SIL1: variants seen among roughly 807,000 people sequenced by gnomAD.
SIL1 encodes nucleotide exchange factor SIL1.
SIL1 carries 40 observed loss-of-function variants against 49.1 expected under a neutral mutation model. The observed-to-expected ratio is 0.81, with a 90% confidence interval of 0.63 to 1.06. The LOEUF is 1.06. Among genes scored for constraint, SIL1 ranks in the 50% least tolerant of loss-of-function variants. The probability of loss-of-function intolerance (pLI) is 0.00; values close to 1 mark genes in which losing one functional copy is unlikely to be tolerated. For synonymous variants in SIL1, 253 were observed against 250.8 expected (o/e 1.01, Z -0.08); for missense variants, 500 against 572.6 (o/e 0.87, Z 1.29).
intron 7 of SIL1, among the ~76,000 whole-genome samples, chr5:138,985,396 T>C (rs756019200): frequency 7.2e-5 from 11 of 152,134 alleles, no homozygotes; most frequent in Non-Finnish European, 1.5e-4. Context: ...TCAGGCTGAC[T>C]CCTGTGTAAA....
chr5:139,113,422 G>C (rs1770920318), intron 3 of SIL1, among the ~76,000 whole-genome samples: 1 of 151,182 alleles, frequency 6.6e-6, no homozygotes, highest in Non-Finnish European at 1.5e-5. Context: ...ACCTCTGACA[G>C]AGTGGATGCT....
chr5:138,949,759 C>A (rs1580974269), intron 9 of SIL1, among the ~76,000 whole-genome samples: 1 of 122,846 alleles, frequency 8.1e-6, no homozygotes, highest in African/African-American at 3.1e-5. Flanking sequence ...TACAGTGAGC[C>A]AAGATCGTGC....
At chr5:139,022,810 T>G (rs1210868988) in intron 6 of SIL1, among the ~76,000 whole-genome samples, 1 of 152,210 alleles carries the variant, frequency 6.6e-6, no homozygotes, top group Non-Finnish European at 1.5e-5. Flanking sequence ...CTAGGGAGAC[T>G]CAGGGTTGGG....
chr5:139,086,098 C>T (rs1770211442), intron 3 of SIL1, among the ~76,000 whole-genome samples: 1 of 133,586 alleles, frequency 7.5e-6, no homozygotes, highest in South Asian at 2.4e-4. Flanking sequence ...ACTGAAACCC[C>T]GACTCTACCG....
intron 3 of SIL1, among the ~76,000 whole-genome samples, chr5:139,097,730 C>A (rs1355968824): frequency 1.3e-5 from 2 of 152,114 alleles, no homozygotes; most frequent in East Asian, 3.9e-4. Flanking sequence ...CCCACCTCGG[C>A]CTCCCAAAGT....
chr5:139,026,761 G>A (rs145087612), intron 6 of SIL1, 40 bp downstream of exon 6: 1 of 1,576,224 alleles, frequency 6.3e-7, no homozygotes, highest in African/African-American at 1.3e-5. Flanking sequence ...TATTTTTGGA[G>A]CTGTTAAAAG....
chr5:139,115,618 C>A (rs1770970012), intron 3 of SIL1, among the ~76,000 whole-genome samples: 1 of 152,188 alleles, frequency 6.6e-6, no homozygotes, highest in Non-Finnish European at 1.5e-5. Flanking sequence ...GCTTCCTGAA[C>A]TCCACTTGAG....
At chr5:139,011,575 C>A (rs967387043) in intron 7 of SIL1, among the ~76,000 whole-genome samples, 24 of 152,294 alleles carry the variant, frequency 1.6e-4, no homozygotes, top group African/African-American at 5.8e-4. Flanking sequence ...TTCAAGTGAT[C>A]CTCCTGCCTC....
intron 7 of SIL1, among the ~76,000 whole-genome samples, chr5:139,019,756 C>T (rs6596458): frequency 1 from 151,836 of 152,306 alleles, 75,686 homozygotes; most frequent in East Asian, 1. Flanking sequence ...CCAGAAGCAA[C>T]GGCAAGGGAC....
chr5:139,132,696 G>A (rs1448484988), intron 1 of SIL1, among the ~76,000 whole-genome samples: 2 of 152,146 alleles, frequency 1.3e-5, no homozygotes, highest in Admixed American at 6.5e-5. Context: ...ATGCAGGCAC[G>A]GAAAACAGTG....
chr5:139,191,861 G>A (rs891823266), intron 1 of SIL1, among the ~76,000 whole-genome samples: 7 of 151,974 alleles, frequency 4.6e-5, no homozygotes, highest in African/African-American at 1.7e-4. Context: ...CAGATCTCGA[G>A]GCCAGGAGTT....
Position 139,121,104 on chromosome 5 carries a change from C to CGGCTTTGGT in SIL1, c.166_174dup (p.Thr56_Ala58dup). ...AGGACTTCGGCATCCAGCTCCTCCT[C>CGGCTTTGGT]GGCTTTGGTTTCTTTTCTCTCTGTT... On this transcript the variant is annotated inframe_insertion, in exon 3 of 10. Transcript: ENST00000394817. The CGGCTTTGGT allele has an allele frequency of 6.2e-7, 1 of 1,614,212 alleles. No individual in the cohort carries two copies.
At chr5:138,992,822 T>A (rs1767786485) in intron 7 of SIL1, among the ~76,000 whole-genome samples, 3 of 151,978 alleles carry the variant, frequency 2.0e-5, no homozygotes, top group Non-Finnish European at 4.4e-5. Context: ...ACTAAAGAAC[T>A]TATCCAGGCA....
chr5:138,994,447 T>C (rs78606736), intron 7 of SIL1, among the ~76,000 whole-genome samples: 3,280 of 152,302 alleles, frequency 0.022, 126 homozygotes, highest in African/African-American at 0.076. Context: ...TGATGTTTTA[T>C]TAAAAGATGT....
chr5:139,127,609 A>T, intron 2 of SIL1, 130 bp downstream of exon 2: 1 of 738,090 alleles, frequency 1.4e-6, no homozygotes, highest in Non-Finnish European at 2.4e-6. Flanking sequence ...TCCATGATCC[A>T]CTGCCAGCCA....
chr5:139,003,061 T>C (rs1768023391), intron 7 of SIL1, among the ~76,000 whole-genome samples: 1 of 151,726 alleles, frequency 6.6e-6, no homozygotes, highest in Admixed American at 6.6e-5. Context: ...GCTCAGTGAG[T>C]TGGGGGACAG....
chr5:139,051,189 C>T (rs563566184), intron 3 of SIL1, 143 bp from the exon 4 acceptor site: 5 of 718,808 alleles, frequency 7.0e-6, no homozygotes, highest in Non-Finnish European at 1.3e-5. Flanking sequence ...ACCCATCCCT[C>T]TCCCTTGAAC....
chr5:139,175,309 G>A (rs996758436), intron 1 of SIL1, among the ~76,000 whole-genome samples: 1 of 152,096 alleles, frequency 6.6e-6, no homozygotes, highest in East Asian at 1.9e-4. Flanking sequence ...CAACAAGAGC[G>A]AAGCTCCATC....
chr5:139,018,801 C>A (rs978348841), intron 7 of SIL1, among the ~76,000 whole-genome samples: 1 of 152,032 alleles, frequency 6.6e-6, no homozygotes, highest in Non-Finnish European at 1.5e-5. Flanking sequence ...GCTTTACAAC[C>A]GTTTTCACAG....
Sources: gnomAD v4.1 joint callset for allele counts (sites outside exome capture counted in the v4.1 genomes callset) on GRCh38, gnomAD v4.1.1 for gene constraint, MANE v1.5 for transcripts, NCBI Gene and HGNC (gene_info 2026-07-23, HGNC 2026-07-21) for gene names.